GPHN: variants seen among roughly 807,000 people sequenced by gnomAD.
GPHN encodes the protein gephyrin.
Under a neutral mutation model 95.5 loss-of-function variants are expected in GPHN, and 17 were observed. The observed-to-expected ratio is 0.18, with a 90% confidence interval of 0.12 to 0.27. The LOEUF (loss-of-function observed/expected upper bound fraction) is 0.27. Ranked by LOEUF, GPHN falls within the 10% of genes least tolerant of loss-of-function variation. The pLI, the probability that GPHN is intolerant of heterozygous loss-of-function variation, is 1.00. For missense variants in GPHN, 660 were observed against 978.1 expected, an observed-to-expected ratio of 0.67 and a Z score of 4.34; for synonymous variants, 320 against 322.5, an observed-to-expected ratio of 0.99 and a Z score of 0.08.
chr14:67,692,909 G>T, the GPHN span: 1 of 1,413,994 alleles, frequency 7.1e-7, no homozygotes, highest in Non-Finnish European at 1.0e-6. Context: ...AGTAATAGGA[G>T]GGAATTGAAA....
Position 66,910,554 on chromosome 14 carries a change from A to C in GPHN, c.390-5449A>C, listed in dbSNP as rs557294287. Among the ~76,000 whole-genome samples, 4 of 152,128 alleles carry C rather than the reference A, an allele frequency of 2.6e-5. No individual in the cohort carries two copies. The East Asian group carries it at 7.7e-4, about 29-fold the overall frequency. Reference sequence around the variant, plus strand: ...AAATCTGCTTCTAGCTATTTACCCTAGAACATTAGCTTTCAAATGTTTTTG... The same window carrying C: ...AAATCTGCTTCTAGCTATTTACCCTCGAACATTAGCTTTCAAATGTTTTTG... On this transcript the variant is annotated intron_variant, in intron 5 of 22. Transcript: ENST00000478722.
chr14:67,133,116 G>A (rs2079828915), intron 17 of GPHN, among the ~76,000 whole-genome samples: 1 of 152,092 alleles, frequency 6.6e-6, no homozygotes, highest in Non-Finnish European at 1.5e-5. Flanking sequence ...TTCCATACGT[G>A]AAGTAGACAC....
chr14:67,165,855 C>T (rs909361103), intron 20 of GPHN, among the ~76,000 whole-genome samples: 3 of 152,168 alleles, frequency 2.0e-5, no homozygotes, highest in Non-Finnish European at 1.5e-5. Flanking sequence ...AAAGCAGGTT[C>T]AGTTCACGAT....
rs1243903088 is a variant in GPHN at position 66,952,595 on chromosome 14, A to G, written c.829-12596A>G. ...ATAATTCTATGTTAACTTTTAAGGA[A>G]GTGCCAAACTATTATCCATAGAGCT... On this transcript the variant is annotated intron_variant, in intron 8 of 22. Coordinates refer to ENST00000478722, the MANE Select transcript of GPHN (RefSeq NM_020806.5). 1.3e-5 allele frequency among the ~76,000 whole-genome samples: 2 copies of G among 152,228 alleles called. 1 individual carries two copies. Among genetic ancestry groups the G allele is most frequent in the Non-Finnish European group, 2.9e-5 (2 of 68,034 alleles).
At chr14:67,650,687 G>A in the GPHN span, 8 of 1,608,886 alleles carry the variant, frequency 5.0e-6, no homozygotes, top group Non-Finnish European at 6.8e-6. Flanking sequence ...AAGGGAACCT[G>A]AGGTTTTGTC....
chr14:67,156,876 A>G (rs906525317), intron 18 of GPHN, among the ~76,000 whole-genome samples: 15 of 151,932 alleles, frequency 9.9e-5, no homozygotes, highest in African/African-American at 3.6e-4. Flanking sequence ...AGGCTGAGAC[A>G]TGCAATCGTT....
chr14:67,674,263 G>C, the GPHN span: 1 of 1,013,362 alleles, frequency 9.9e-7, no homozygotes, highest in African/African-American at 1.7e-5. Flanking sequence ...GGGCGTGTCT[G>C]AGGACGCGGA....
intron 11 of GPHN, among the ~76,000 whole-genome samples, chr14:67,065,849 C>A (rs930717474): frequency 4.0e-5 from 6 of 149,926 alleles, no homozygotes; most frequent in Non-Finnish European, 8.8e-5. Context: ...AGAGATGGGT[C>A]TCCTGAATAC....
At chr14:66,523,435 T>C (rs897588580) in intron 1 of GPHN, among the ~76,000 whole-genome samples, 2 of 152,054 alleles carry the variant, frequency 1.3e-5, no homozygotes, top group African/African-American at 4.8e-5. Flanking sequence ...AAATTAGCAC[T>C]CCCTCCAAAA....
the GPHN span, among the ~76,000 whole-genome samples, chr14:67,240,557 G>T: frequency 1.3e-5 from 2 of 152,226 alleles, no homozygotes; most frequent in African/African-American, 2.4e-5. Context: ...GAATGGGCTT[G>T]CTCGGAAGGT....
intron 2 of GPHN, among the ~76,000 whole-genome samples, chr14:66,690,864 G>A (rs1482555326): frequency 6.6e-6 from 1 of 152,182 alleles, no homozygotes; most frequent in African/African-American, 2.4e-5. Context: ...ACATAAGGTT[G>A]AAATAACCTG....
chr14:67,615,546 A>C, the GPHN span: 19 of 482,430 alleles, frequency 3.9e-5, no homozygotes, highest in African/African-American at 2.5e-4. Flanking sequence ...TTTGTGTGCA[A>C]ACTTGTCCGG....
intron 9 of GPHN, among the ~76,000 whole-genome samples, chr14:67,022,613 C>G (rs1220808571): frequency 1.8e-5 from 1 of 54,144 alleles, no homozygotes; most frequent in African/African-American, 7.7e-5. Flanking sequence ...GTGTATTTTT[C>G]TTGTATGTAT....
intron 18 of GPHN, among the ~76,000 whole-genome samples, chr14:67,145,117 T>C (rs2080824034): frequency 6.6e-6 from 1 of 152,228 alleles, no homozygotes; most frequent in African/African-American, 2.4e-5. Context: ...TGTGGTACTC[T>C]CAATATTACA....
At chr14:67,079,493 A>G (rs2076611123) in intron 11 of GPHN, among the ~76,000 whole-genome samples, 1 of 152,088 alleles carries the variant, frequency 6.6e-6, no homozygotes, top group Non-Finnish European at 1.5e-5. Flanking sequence ...TATTTGGGAC[A>G]TTTCATATAA....
chr14:67,365,324 T>C, the GPHN span, among the ~76,000 whole-genome samples: 1 of 152,252 alleles, frequency 6.6e-6, no homozygotes, highest in African/African-American at 2.4e-5. Context: ...CTAGTTCATT[T>C]ACATTGGTAG....
the GPHN span, chr14:67,653,529 C>T: frequency 3.8e-6 from 6 of 1,588,184 alleles, no homozygotes; most frequent in East Asian, 1.1e-4. Flanking sequence ...TTATTTCCCT[C>T]TTTAAAAAGT....
At chr14:66,987,606 A>G (rs1474029465) in intron 9 of GPHN, among the ~76,000 whole-genome samples, 1 of 152,070 alleles carries the variant, frequency 6.6e-6, no homozygotes, top group Non-Finnish European at 1.5e-5. Flanking sequence ...AAATTTCATA[A>G]TATTTAAATA....
the GPHN span, among the ~76,000 whole-genome samples, chr14:67,633,555 G>A: frequency 3.2e-3 from 488 of 152,170 alleles, 21 homozygotes; most frequent in East Asian, 0.083. Context: ...CTCTATTGCT[G>A]GACACTCTGT....
Sources: gnomAD v4.1 joint callset for allele counts (sites outside exome capture counted in the v4.1 genomes callset) on GRCh38, gnomAD v4.1.1 for gene constraint, MANE v1.5 for transcripts, NCBI Gene and HGNC (gene_info 2026-07-23, HGNC 2026-07-21) for gene names.